GTF2E2: variants seen among roughly 807,000 people sequenced by gnomAD.
GTF2E2 encodes general transcription factor IIE subunit 2, also known as transcription initiation factor IIE subunit beta.
GTF2E2 carries 21 observed loss-of-function variants against 40.5 expected under a neutral mutation model. The observed-to-expected ratio is 0.52, with a 90% confidence interval of 0.37 to 0.75. The LOEUF is 0.75. GTF2E2 is among the 30% of genes least tolerant of loss of function. The pLI, the probability that GTF2E2 is intolerant of heterozygous loss-of-function variation, is 0.00. For synonymous variants in GTF2E2, 117 were observed against 121.6 expected, an observed-to-expected ratio of 0.96 and a Z score of 0.25; for missense variants, 298 against 338.4, an observed-to-expected ratio of 0.88 and a Z score of 0.94.
At chr8:30,581,173 A>AGT (rs1307685368) in intron 6 of GTF2E2, among the ~76,000 whole-genome samples, 3 of 152,130 alleles carry the variant, frequency 2.0e-5, no homozygotes, top group Non-Finnish European at 4.4e-5. Context: ...TAAGACTTAC[A>AGT]CGCTCAGGAA....
chr8:30,582,633 T>C (rs1828546369), intron 6 of GTF2E2, among the ~76,000 whole-genome samples: 1 of 152,218 alleles, frequency 6.6e-6, no homozygotes, highest in African/African-American at 2.4e-5. Context: ...CCAGTCTTTG[T>C]TTCCCCACTG....
chr8:30,604,987 G>A (rs537950338), intron 6 of GTF2E2, among the ~76,000 whole-genome samples: 9 of 152,268 alleles, frequency 5.9e-5, no homozygotes, highest in East Asian at 5.8e-4. Context: ...ACAGCTTAGC[G>A]TGCAGATTAC....
At position 30,607,135 on chromosome 8, in the gene GTF2E2, T is replaced by A. The variant is rs775606486; in HGVS notation, c.565A>T (p.Ile189Leu). The change falls in exon 6 of 8, where the codon ATA becomes TTA. Residue 189 changes from isoleucine to leucine, a missense_variant. Physicochemically the swap from Ile to Leu is conservative, Grantham distance 5 (BLOSUM62 2). Transcript: ENST00000355904. ...QKAVKALGDQ[I>L]LFVNRPDKKK... ...TTATCGGGACGATTTACAAATAGTA[T>A]CTGGTCCCCCAAAGCCTTAAAGATA... 7.1e-7 allele frequency: 1 copy of A among 1,403,404 alleles called. No homozygotes were observed. Among genetic ancestry groups the A allele is most frequent in the Non-Finnish European group, 1.0e-6 (1 of 1,003,834 alleles). 86.9% of individuals were successfully genotyped at this position (1,403,404 alleles called of 1,614,324 possible).
At chr8:30,581,980 C>T (rs1375584563) in intron 6 of GTF2E2, among the ~76,000 whole-genome samples, 1 of 152,198 alleles carries the variant, frequency 6.6e-6, no homozygotes, top group East Asian at 1.9e-4. Context: ...TTGTCTACTA[C>T]ACCCTAGACA....
chr8:30,602,393 G>A (rs1046024432), intron 6 of GTF2E2, among the ~76,000 whole-genome samples: 4 of 151,766 alleles, frequency 2.6e-5, no homozygotes, highest in African/African-American at 9.7e-5. Context: ...TTACACTTAG[G>A]GTATTACACT....
At chr8:30,595,149 A>T (rs767612082) in intron 6 of GTF2E2, among the ~76,000 whole-genome samples, 7 of 152,180 alleles carry the variant, frequency 4.6e-5, no homozygotes, top group African/African-American at 9.7e-5. Context: ...CAACATACAT[A>T]TTTAATTAAT....
intron 6 of GTF2E2, among the ~76,000 whole-genome samples, chr8:30,581,438 C>G (rs562856732): frequency 1.3e-3 from 200 of 152,280 alleles, no homozygotes; most frequent in African/African-American, 4.7e-3. Context: ...CCCTTTCTCT[C>G]TCATTTCAGT....
intron 3 of GTF2E2, 45 bp downstream of exon 3, chr8:30,634,987 C>T (rs1801543620): frequency 9.3e-7 from 1 of 1,072,726 alleles, no homozygotes; most frequent in Non-Finnish European, 1.4e-6. Flanking sequence ...CCTTCTTTTG[C>T]CAAAAAGTTA....
chr8:30,641,135 C>A (rs529469482), intron 2 of GTF2E2, among the ~76,000 whole-genome samples: 1 of 152,228 alleles, frequency 6.6e-6, no homozygotes, highest in South Asian at 2.1e-4. Context: ...GAAAATGACT[C>A]CATATTAGAG....
intron 2 of GTF2E2, 138 bp downstream of exon 2, chr8:30,653,295 C>G: frequency 1.5e-6 from 1 of 659,406 alleles, no homozygotes; most frequent in East Asian, 2.6e-5. Flanking sequence ...AGCTTAAATT[C>G]TCTTGTCCCA....
chr8:30,579,479 C>T (rs1206950089), intron 7 of GTF2E2, among the ~76,000 whole-genome samples: 1 of 152,140 alleles, frequency 6.6e-6, no homozygotes, highest in Non-Finnish European at 1.5e-5. Flanking sequence ...ATTAGCATCA[C>T]ATGATGAAAA....
chr8:30,617,741 G>A (rs1342712923), intron 3 of GTF2E2, among the ~76,000 whole-genome samples: 8 of 142,388 alleles, frequency 5.6e-5, no homozygotes, highest in African/African-American at 1.6e-4. Flanking sequence ...GACAGAACCA[G>A]ATCTTGTCTC....
At position 30,579,002 on chromosome 8, in the gene GTF2E2, C is replaced by T. The variant is rs1364054518; in HGVS notation, c.795G>A (p.Gln265=). The T allele has an allele frequency of 6.2e-7, 1 of 1,609,020 alleles. No individual in the cohort carries two copies. Among genetic ancestry groups the T allele is most frequent in the South Asian group, 1.1e-5 (1 of 90,958 alleles). ...TATGAGTCTTAAAGCGTCGCTTTTT[C>T]TGTGAAGCAGGCTTTTTCCTTCTCT... is the stretch of plus-strand genomic sequence containing the variant. ...PIQRRKKPAS[Q]KKRRFKTHNE... Residue 265 remains glutamine, a synonymous_variant, in exon 8 of 8, where the codon CAG becomes CAA. Transcript: ENST00000355904.
At chr8:30,592,822 T>C (rs1828888902) in intron 6 of GTF2E2, among the ~76,000 whole-genome samples, 1 of 152,242 alleles carries the variant, frequency 6.6e-6, no homozygotes, top group South Asian at 2.1e-4. Flanking sequence ...CCAATGATAC[T>C]TTCAATTCTT....
chr8:30,578,722 C>A lies in GTF2E2; in HGVS notation c.*199G>T. On this transcript the variant is annotated 3_prime_UTR_variant, in exon 8 of 8. Coordinates refer to ENST00000355904, the MANE Select transcript of GTF2E2 (RefSeq NM_002095.6). Reference sequence around the variant, plus strand: ...CTCCCAGGGAGTAACAGAAGGTTAACAGGGAACATCACATTGCCCATGAGC... The same window carrying A: ...CTCCCAGGGAGTAACAGAAGGTTAAAAGGGAACATCACATTGCCCATGAGC... The A allele has an allele frequency of 2.0e-6, 1 of 487,908 alleles. No individual in the cohort carries two copies. Among genetic ancestry groups the A allele is most frequent in the African/African-American group, 2.0e-5 (1 of 51,254 alleles). 30.2% of individuals were successfully genotyped at this position (487,908 alleles called of 1,614,324 possible). A position where few individuals can be genotyped will look rare whatever the true frequency, so the allele number is the denominator to read the frequency against.
chr8:30,612,335 T>C lies in GTF2E2; in HGVS notation c.513A>G (p.Ile171Met). The C allele has an allele frequency of 6.2e-7, 1 of 1,612,842 alleles. No individual in the cohort carries two copies. Among genetic ancestry groups the C allele is most frequent in the Non-Finnish European group, 8.5e-7 (1 of 1,178,892 alleles). Reference protein sequence around the residue: ...RGLGGILLEDIEEALPNSQKA... With the variant: ...RGLGGILLEDMEEALPNSQKA... ...TCTGGGAATTGGGCAGTGCTTCTTC[T>C]ATGTCTTCTAAAAGAATTCCTCCTA... Residue 171 changes from isoleucine to methionine, a missense_variant, in exon 5 of 8, where the codon ATA becomes ATG. Transcript: ENST00000355904.
chr8:30,623,119 A>C (rs1396133827), intron 3 of GTF2E2, among the ~76,000 whole-genome samples: 2 of 152,130 alleles, frequency 1.3e-5, no homozygotes, highest in African/African-American at 4.8e-5. Flanking sequence ...GAGTAAAGAA[A>C]GGCATAAGAA....
At chr8:30,581,198 G>C (rs938759931) in intron 6 of GTF2E2, among the ~76,000 whole-genome samples, 10 of 152,130 alleles carry the variant, frequency 6.6e-5, no homozygotes, top group Non-Finnish European at 1.5e-4. Flanking sequence ...AAAAGGAAAA[G>C]CTCTCTGAGC....
intron 2 of GTF2E2, among the ~76,000 whole-genome samples, chr8:30,642,454 T>TTAA (rs1801879875): frequency 6.6e-6 from 1 of 152,210 alleles, no homozygotes. Context: ...TATTTCTCTT[T>TTAA]TTAAAATAGA....
Sources: allele counts gnomAD v4.1 joint callset (sites outside exome capture counted in the v4.1 genomes callset), GRCh38; gene constraint gnomAD v4.1.1; transcripts MANE v1.5; gene names NCBI Gene and HGNC (gene_info 2026-07-23, HGNC 2026-07-21).